NYAP1: variants seen among roughly 807,000 people sequenced by gnomAD.
NYAP1 encodes the protein neuronal tyrosine phosphorylated phosphoinositide-3-kinase adaptor 1.
In NYAP1, 20 loss-of-function variants were observed where a neutral mutation model predicts 58.6. That is an observed-to-expected ratio of 0.34 (90% CI 0.24 to 0.50). The LOEUF (loss-of-function observed/expected upper bound fraction) is 0.50. Ranked by LOEUF, NYAP1 falls within the 20% of genes least tolerant of loss-of-function variation. NYAP1 has a pLI of 0.98. For synonymous variants in NYAP1, 572 were observed against 523.1 expected (o/e 1.09, Z -1.27); for missense variants, 1,150 against 1,194.5 (o/e 0.96, Z 0.55).
chr7:100,486,570 G>A lies in NYAP1; in HGVS notation c.69-251G>A, dbSNP rs1018215829. Among the ~76,000 whole-genome samples the A allele has an allele frequency of 6.6e-6, 1 of 152,058 alleles. No homozygotes were observed. The highest frequency in any genetic ancestry group is 2.4e-5 in the African/African-American group (1 of 41,402). On this transcript the variant is annotated intron_variant, in intron 2 of 6. Transcript: ENST00000300179. The surrounding 1 kb of genome is among the most constrained non-coding windows in gnomAD (Gnocchi z 6.2). ...CCAGGCTGGGATCCGCCAGCCCCAG[G>A]GATGCTCCCCTGCAGGCATACTCAC...
At position 100,489,049 on chromosome 7, in the gene NYAP1, CT is replaced by C; in HGVS notation, c.1329del (p.Ala444ProfsTer26). 6.5e-7 allele frequency: 1 copy of C among 1,543,390 alleles called. No homozygotes were observed. Among genetic ancestry groups the C allele is most frequent in the Non-Finnish European group, 8.7e-7 (1 of 1,147,656 alleles). ...GCGGCGGGGGCGCCGGCAGCCCCCC[CT>C]GCCCCGGCCGCCTTGCTCCCCGGCC... ...PKAAGAPAAP[P>X]APAALLPGPP... On this transcript the variant is annotated frameshift_variant, in exon 4 of 7. Coordinates refer to ENST00000300179, the MANE Select transcript of NYAP1 (RefSeq NM_173564.4). LOFTEE classifies it high-confidence loss of function.
Position 100,490,738 on chromosome 7 carries a change from GCCTGCACACA to G in NYAP1, c.2158+14_2158+23del. 6.7e-7 allele frequency: 1 copy of G among 1,500,508 alleles called. No individual in the cohort carries two copies. The highest frequency in any genetic ancestry group is 8.9e-7 in the Non-Finnish European group (1 of 1,120,954). 92.9% of individuals were successfully genotyped at this position (1,500,508 alleles called of 1,614,324 possible). ...CTGCCACCGCAATGGAGGTGACGCG[GCCTGCACACA>G]CCTGTGCACAGCGGGGCTGGCTGGG... On this transcript the variant is annotated intron_variant, in intron 5 of 6. Coordinates refer to ENST00000300179, the MANE Select transcript of NYAP1 (RefSeq NM_173564.4). The surrounding 1 kb of genome is among the most constrained non-coding windows in gnomAD (Gnocchi z 4.6).
rs952161692 is a variant in NYAP1 at position 100,488,074 on chromosome 7, A to G, written c.431-78A>G. 2.8e-6 allele frequency: 3 copies of G among 1,075,544 alleles called. No homozygotes were observed. The highest frequency in any genetic ancestry group is 4.1e-6 in the Non-Finnish European group (3 of 738,370). 66.6% of individuals were successfully genotyped at this position (1,075,544 alleles called of 1,614,324 possible). The stretch of plus-strand genomic sequence containing the variant: ...CAGATATGTCCTTGCAGAAGGGTCA[A>G]GGGATCAGAATGGGCTCCTCCCACT... On this transcript the variant is annotated intron_variant, in intron 3 of 6. Transcript: ENST00000300179. This position sits in a 1 kb window ranked among gnomAD's most constrained non-coding sequence, Gnocchi z 5.9.
rs975250165 is a variant in NYAP1, at chr7:100,486,469, G to A, written c.69-352G>A. Among the ~76,000 whole-genome samples the A allele has an allele frequency of 4.6e-5, 7 of 152,124 alleles. No individual in the cohort carries two copies. The highest frequency in any genetic ancestry group is 1.7e-4 in the African/African-American group (7 of 41,424). Reference sequence around the variant, plus strand: ...TGAGAGTGAGAGGGGCCAAGGAGCTGTGGGGGGCAGGCGTGTCCATCTGTG... The same window carrying A: ...TGAGAGTGAGAGGGGCCAAGGAGCTATGGGGGGCAGGCGTGTCCATCTGTG... On this transcript the variant is annotated intron_variant, in intron 2 of 6. Coordinates refer to ENST00000300179, the MANE Select transcript of NYAP1 (RefSeq NM_173564.4). The surrounding 1 kb of genome is among the most constrained non-coding windows in gnomAD (Gnocchi z 6.2).
chr7:100,493,626 C>T lies in NYAP1; in HGVS notation c.2269-20C>T. On this transcript the variant is annotated intron_variant, in intron 6 of 6. Transcript: ENST00000300179. ...CCCGACCTTACCCGCGTTTTCCTTTCTCCCCCGCCCGCGGCACAGCCCCAC... is the reference window on the plus strand; with the variant it reads ...CCCGACCTTACCCGCGTTTTCCTTTTTCCCCCGCCCGCGGCACAGCCCCAC... The T allele has an allele frequency of 6.4e-7, 1 of 1,552,358 alleles. No homozygotes were observed. Among genetic ancestry groups the T allele is most frequent in the Non-Finnish European group, 8.6e-7 (1 of 1,157,668 alleles).
rs781492974 is a variant in NYAP1 at position 100,486,875 on chromosome 7, G to A, written c.123G>A (p.Gly41=). 4 of 1,555,814 alleles carry A rather than the reference G, an allele frequency of 2.6e-6. No individual in the cohort carries two copies. The highest frequency in any genetic ancestry group is 1.2e-5 in the South Asian group (1 of 85,362). Residue 41 remains glycine (G), a synonymous_variant, in exon 3 of 7, where the codon GGG becomes GGA. Transcript: ENST00000300179. The surrounding 1 kb of genome is among the most constrained non-coding windows in gnomAD (Gnocchi z 6.2). ...CGGCTGGGCCCGCGGCCGGCCAGGG[G>A]CCTGGGGTCCGCGTGCGGGACATCG... ...AGSAGPAAGQ[G]PGVRVRDIAS...
In NYAP1 at chr7:100,489,616, C is replaced by T. The variant is rs781060970; in HGVS notation, c.1895C>T (p.Ala632Val). The T allele has an allele frequency of 1.3e-5, 21 of 1,611,724 alleles. No individual in the cohort carries two copies. Among genetic ancestry groups the T allele is most frequent in the Non-Finnish European group, 1.8e-5 (21 of 1,179,554 alleles). ...GCCGCGACATTTGGGGCAGGCTGGG[C>T]CCTGCAGAGGAAGGTCCTCTATGGA... is the stretch of plus-strand genomic sequence containing the variant. ...VGAATFGAGW[A>V]LQRKVLYGGR... The change falls in exon 4 of 7, where the codon GCC (alanine) becomes GTC (valine). Residue 632 changes from alanine (A) to valine (V), a missense_variant. By Grantham distance (64) the Ala-to-Val change is moderately conservative. Coordinates refer to ENST00000300179, the MANE Select transcript of NYAP1 (RefSeq NM_173564.4).
Position 100,489,066 on chromosome 7 carries a change from C to G in NYAP1, c.1345C>G (p.Leu449Val). Residue 449 changes from leucine to valine, a missense_variant, in exon 4 of 7, where the codon CTC (leucine) becomes GTC (valine). Physicochemically the swap from Leu to Val is conservative, Grantham distance 32. Coordinates refer to ENST00000300179, the MANE Select transcript of NYAP1 (RefSeq NM_173564.4). ...PAAPPAPAAL[L>V]PGPPKDKAVS... is the part of the protein sequence containing the mutation. ...AGCCCCCCCTGCCCCGGCCGCCTTGCTCCCCGGCCCCCCCAAGGACAAGGC... is the reference window on the plus strand; with the variant it reads ...AGCCCCCCCTGCCCCGGCCGCCTTGGTCCCCGGCCCCCCCAAGGACAAGGC... 1 of 1,543,836 alleles carries G rather than the reference C, an allele frequency of 6.5e-7. No individual in the cohort carries two copies. The highest frequency in any genetic ancestry group is 8.7e-7 in the Non-Finnish European group (1 of 1,145,544).
chr7:100,493,505 G>A, intron 6 of NYAP1, 141 bp from the exon 7 acceptor site: 1 of 778,938 alleles, frequency 1.3e-6, no homozygotes, highest in Non-Finnish European at 2.0e-6. Context: ...ACAGCCAGAG[G>A]GAGCCAGCAG....
chr7:100,491,649 C>G (rs1231187295), intron 6 of NYAP1, among the ~76,000 whole-genome samples: 1 of 150,950 alleles, frequency 6.6e-6, no homozygotes, highest in East Asian at 1.9e-4. Context: ...CGGTGGCTTA[C>G]GCCTGTAATC....
Position 100,488,431 on chromosome 7 carries a change from C to T in NYAP1, c.710C>T (p.Pro237Leu). ...GGRSGGGLAGPPLGGGGPTPP... is the reference protein window; with the variant it reads ...GGRSGGGLAGLPLGGGGPTPP... ...CGAAGTGGAGGAGGCCTGGCTGGGC[C>T]CCCTCTTGGGGGTGGGGGCCCGACC... Residue 237 changes from proline (P) to leucine (L), a missense_variant, in exon 4 of 7, where the codon CCC becomes CTC. Coordinates refer to ENST00000300179, the MANE Select transcript of NYAP1 (RefSeq NM_173564.4). The surrounding 1 kb of genome is among the most constrained non-coding windows in gnomAD (Gnocchi z 5.9). 2.5e-6 allele frequency: 4 copies of T among 1,601,534 alleles called. No homozygotes were observed. Among genetic ancestry groups the T allele is most frequent in the Non-Finnish European group, 3.4e-6 (4 of 1,174,888 alleles).
At position 100,494,787 on chromosome 7, in the gene NYAP1, G is replaced by C. The variant is rs185342571; in HGVS notation, c.*884G>C. ...TTCTTTTCAGAATAATATATTAAAA[G>C]ACTCATGATCCTAAAGCTGGCTTCT... is the stretch of plus-strand genomic sequence containing the variant. On this transcript the variant is annotated 3_prime_UTR_variant, in exon 7 of 7. Coordinates refer to ENST00000300179, the MANE Select transcript of NYAP1 (RefSeq NM_173564.4). 6.6e-6 allele frequency: 1 copy of C among 152,544 alleles called. No homozygotes were observed. Among genetic ancestry groups the C allele is most frequent in the East Asian group, 1.9e-4 (1 of 5,174 alleles). 9.4% of individuals were successfully genotyped at this position (152,544 alleles called of 1,614,324 possible).
Position 100,493,784 on chromosome 7 carries a change from C to T in NYAP1, c.2407C>T (p.Leu803Phe), listed in dbSNP as rs1261919841. ...GGCGCGCCACCGCCCGGACCGAGGC[C>T]TCTGCAAGCAGGAGAGCATGCCCAT... ...IKARHRPDRG[L>F]CKQESMPILP... The change falls in exon 7 of 7, where the codon CTC (leucine) becomes TTC (phenylalanine). Residue 803 changes from leucine to phenylalanine, a missense_variant. By Grantham distance (22) the Leu-to-Phe change is conservative. Transcript: ENST00000300179. 2 of 1,605,078 alleles carry T rather than the reference C, an allele frequency of 1.2e-6. No individual in the cohort carries two copies. The highest frequency in any genetic ancestry group is 2.7e-5 in the African/African-American group (2 of 74,662).
Position 100,485,768 on chromosome 7 carries a change from G to A in NYAP1, c.68+389G>A, listed in dbSNP as rs553764545. Among the ~76,000 whole-genome samples, 4 of 152,326 alleles carry A rather than the reference G, an allele frequency of 2.6e-5. No individual in the cohort carries two copies. The highest frequency in any genetic ancestry group is 9.6e-5 in the African/African-American group (4 of 41,576). ...AAGGGGTCATTTCAGGGGCATCAGA[G>A]AACATCCACTTGGCCTCCTCCCAGT... is the stretch of plus-strand genomic sequence containing the variant. On this transcript the variant is annotated intron_variant, in intron 2 of 6. Coordinates refer to ENST00000300179, the MANE Select transcript of NYAP1 (RefSeq NM_173564.4). The surrounding 1 kb of genome is among the most constrained non-coding windows in gnomAD (Gnocchi z 5.7).
rs1205734863 is a variant in NYAP1, at chr7:100,487,844, G to A, written c.431-308G>A. Among the ~76,000 whole-genome samples the A allele has an allele frequency of 1.3e-5, 2 of 152,128 alleles. No homozygotes were observed. Among genetic ancestry groups the A allele is most frequent in the Non-Finnish European group, 2.9e-5 (2 of 68,020 alleles). ...TTTTAAAAAGACCAAGGGCTGACTA[G>A]TAGAAAAGGAACCTACAGCTGGGCA... On this transcript the variant is annotated intron_variant, in intron 3 of 6. Transcript: ENST00000300179. This position sits in a 1 kb window ranked among gnomAD's most constrained non-coding sequence, Gnocchi z 4.1.
At chr7:100,484,985 C>G (rs1799685178) in intron 1 of NYAP1, among the ~76,000 whole-genome samples, 1 of 152,016 alleles carries the variant, frequency 6.6e-6, no homozygotes, top group Admixed American at 6.6e-5. Context: ...TGTCTTTACA[C>G]AAGAAGGGAA....
chr7:100,490,554 C>A lies in NYAP1; in HGVS notation c.1983C>A (p.Ala661=), dbSNP rs141055863. 3.1e-6 allele frequency: 5 copies of A among 1,588,432 alleles called. No homozygotes were observed. The East Asian group carries it at 6.8e-5, about 22-fold the overall frequency. ...GTGCCCGGGCCTGGAATGGCAGTGC[C>A]GAGGGTCCAGGCAAGGTGGAGCGTG... is the stretch of plus-strand genomic sequence containing the variant. The part of the protein sequence containing the change: ...EDGARAWNGS[A]EGPGKVERED... Residue 661 remains alanine (A), a synonymous_variant, in exon 5 of 7, where the codon GCC becomes GCA. Coordinates refer to ENST00000300179, the MANE Select transcript of NYAP1 (RefSeq NM_173564.4). This position sits in a 1 kb window ranked among gnomAD's most constrained non-coding sequence, Gnocchi z 4.6.
Position 100,494,212 on chromosome 7 carries a change from G to GGGGAAGGGAGGAAGGAA in NYAP1, c.*314_*330dup. 3.1e-6 allele frequency: 1 copy of GGGGAAGGGAGGAAGGAA among 325,534 alleles called. No homozygotes were observed. The allele number at this position is 325,534 out of a possible 1,614,324, so 20.2% of individuals were successfully genotyped here. On this transcript the variant is annotated 3_prime_UTR_variant, in exon 7 of 7. Transcript: ENST00000300179. Reference sequence around the variant, plus strand: ...CCTGAACCAAGCCAGAGGTCAGCATGGGGAAGGGAGGAAGGAAGGGATGGG... The same window carrying GGGGAAGGGAGGAAGGAA: ...CCTGAACCAAGCCAGAGGTCAGCATGGGGAAGGGAGGAAGGAAGGGAAGGGAGGAAGGAAGGGATGGG...
rs12532726 is a variant in NYAP1 at position 100,488,976 on chromosome 7, C to G, written c.1255C>G (p.Arg419Gly). Residue 419 changes from arginine to glycine, a missense_variant, in exon 4 of 7, where the codon CGG (arginine) becomes GGG (glycine). By Grantham distance (125) the Arg-to-Gly change is moderately radical. Transcript: ENST00000300179. This position sits in a 1 kb window ranked among gnomAD's most constrained non-coding sequence, Gnocchi z 5.9. The part of the protein sequence containing the change: ...PLPPQGSGQP[R>G]GERELPNSHS... Reference sequence around the variant, plus strand: ...GCCACCCCAGGGCTCTGGCCAGCCCCGGGGGGAGCGGGAGCTCCCCAACTC... The same window carrying G: ...GCCACCCCAGGGCTCTGGCCAGCCCGGGGGGGAGCGGGAGCTCCCCAACTC... 3 of 1,574,004 alleles carry G rather than the reference C, an allele frequency of 1.9e-6. No individual in the cohort carries two copies. Among genetic ancestry groups the G allele is most frequent in the Non-Finnish European group, 2.6e-6 (3 of 1,167,776 alleles).
Sources: allele counts gnomAD v4.1 joint callset (sites outside exome capture counted in the v4.1 genomes callset), GRCh38; gene constraint gnomAD v4.1.1; non-coding constraint Gnocchi (gnomAD v3.1); transcripts MANE v1.5; gene names NCBI Gene and HGNC (gene_info 2026-07-23, HGNC 2026-07-21).